DAB1: variants seen among roughly 807,000 people sequenced by gnomAD.
DAB1 encodes the protein DAB adaptor protein 1, also known as disabled homolog 1.
In DAB1, 15 loss-of-function variants were observed where a neutral mutation model predicts 64.6. The ratio of observed to expected loss-of-function variants is 0.23; its 90% CI spans 0.16 to 0.36. The LOEUF (loss-of-function observed/expected upper bound fraction) is 0.36. Ranked by LOEUF, DAB1 falls within the 10% of genes least tolerant of loss-of-function variation. DAB1 has a pLI of 1.00. For synonymous variants in DAB1, 235 were observed against 251.9 expected (o/e 0.93, Z 0.64); for missense variants, 596 against 706.7 (o/e 0.84, Z 1.78).
At chr1:57,827,505 C>A (rs1178909762) in intron 1 of DAB1, among the ~76,000 whole-genome samples, 4 of 152,174 alleles carry the variant, frequency 2.6e-5, no homozygotes, top group African/African-American at 9.7e-5. Context: ...ATAATGACAT[C>A]TACCTCATCA....
chr1:57,356,563 G>T (rs1490432629), intron 1 of DAB1, among the ~76,000 whole-genome samples: 1 of 151,932 alleles, frequency 6.6e-6, no homozygotes, highest in Non-Finnish European at 1.5e-5. Flanking sequence ...CATGGAATCT[G>T]GTCCAACAAT....
chr1:57,810,739 C>T (rs1651580705), intron 6 of DAB1, among the ~76,000 whole-genome samples: 1 of 152,192 alleles, frequency 6.6e-6, no homozygotes, highest in Non-Finnish European at 1.5e-5. Context: ...AAAAGTAGGA[C>T]TTCTCATACT....
chr1:57,096,745 T>A (rs1430082379), intron 4 of DAB1, among the ~76,000 whole-genome samples: 1 of 152,252 alleles, frequency 6.6e-6, no homozygotes, highest in African/African-American at 2.4e-5. Context: ...ATTTGTGTCC[T>A]TATTTATTGT....
intron 2 of DAB1, among the ~76,000 whole-genome samples, chr1:57,221,378 C>T (rs1159220120): frequency 2.0e-5 from 3 of 151,100 alleles, no homozygotes; most frequent in Admixed American, 6.6e-5. Context: ...CACATGTACC[C>T]TAGAACTTAA....
intron 4 of DAB1, among the ~76,000 whole-genome samples, chr1:58,218,989 T>TTCTCTCTCTCTCTCTCTC (rs1049058578): frequency 2.9e-4 from 36 of 125,904 alleles, no homozygotes; most frequent in African/African-American, 7.0e-4. Flanking sequence ...ATTCTGGCCA[T>TTCTCTCTCTCTCTCTCTC]TCTCTCTCTC....
intron 5 of DAB1, among the ~76,000 whole-genome samples, chr1:57,917,512 C>T (rs1289915349): frequency 2.6e-5 from 4 of 152,188 alleles, no homozygotes; most frequent in African/African-American, 4.8e-5. Flanking sequence ...CCTTTGAACT[C>T]GAACAGTATG....
At chr1:57,221,328 T>A (rs757673354) in intron 2 of DAB1, among the ~76,000 whole-genome samples, 32 of 151,952 alleles carry the variant, frequency 2.1e-4, no homozygotes, top group Non-Finnish European at 4.3e-4. Flanking sequence ...GCACACCAAC[T>A]TGGCACATGT....
chr1:57,548,948 T>A (rs887500144), intron 7 of DAB1, among the ~76,000 whole-genome samples: 13 of 152,340 alleles, frequency 8.5e-5, no homozygotes, highest in African/African-American at 2.9e-4. Flanking sequence ...CTGCATTTTA[T>A]TCTTGAGGAA....
At position 57,583,826 on chromosome 1, in the gene DAB1, C is replaced by G. The variant is rs184950777; in HGVS notation, n.625+65766G>C. Among the ~76,000 whole-genome samples the G allele has an allele frequency of 1.7e-3, 256 of 152,282 alleles. 1 individual carries two copies. Among genetic ancestry groups the G allele is most frequent in the African/African-American group, 5.7e-3 (237 of 41,550 alleles). On this transcript the variant is annotated intron_variant and non_coding_transcript_variant, in intron 7 of 20. Transcript: ENST00000485760. The stretch of plus-strand genomic sequence containing the variant: ...AATCATATCTCCATCTTCTCTGGTA[C>G]AAGAATCTCTTAGAGACCTTGGTTC...
intron 4 of DAB1, among the ~76,000 whole-genome samples, chr1:58,172,948 C>T (rs891576148): frequency 1.3e-5 from 2 of 152,338 alleles, no homozygotes; most frequent in African/African-American, 4.8e-5. Flanking sequence ...CCATTAAATA[C>T]CACAAGGAAA....
chr1:57,097,031 G>C (rs1364022132), intron 4 of DAB1, among the ~76,000 whole-genome samples: 2 of 152,090 alleles, frequency 1.3e-5, no homozygotes, highest in Non-Finnish European at 2.9e-5. Flanking sequence ...AGGGGTAATA[G>C]GGCTTTTTGT....
intron 5 of DAB1, among the ~76,000 whole-genome samples, chr1:58,054,202 A>T (rs1431143980): frequency 6.6e-6 from 1 of 152,244 alleles, no homozygotes; most frequent in Non-Finnish European, 1.5e-5. Flanking sequence ...AATAATTAGC[A>T]ATCAGTTTTA....
chr1:57,180,823 C>G (rs138747663), intron 2 of DAB1, among the ~76,000 whole-genome samples: 1 of 152,160 alleles, frequency 6.6e-6, no homozygotes, highest in Non-Finnish European at 1.5e-5. Flanking sequence ...CAAATGCCAA[C>G]TCCTCTTAAC....
chr1:58,116,386 T>C (rs1470905052), intron 5 of DAB1, among the ~76,000 whole-genome samples: 1 of 152,220 alleles, frequency 6.6e-6, no homozygotes, highest in African/African-American at 2.4e-5. Context: ...TGGGAGTTTA[T>C]GATTTGTTGC....
chr1:57,904,671 G>A (rs1263212921), intron 5 of DAB1, among the ~76,000 whole-genome samples: 1 of 152,188 alleles, frequency 6.6e-6, no homozygotes, highest in East Asian at 1.9e-4. Context: ...CAGCTGGAGT[G>A]AAGGCAGAGT....
chr1:58,215,013 AG>A (rs557033287), intron 4 of DAB1, among the ~76,000 whole-genome samples: 1 of 152,216 alleles, frequency 6.6e-6, no homozygotes, highest in South Asian at 2.1e-4. Flanking sequence ...AATGAATCAA[AG>A]GGCATTTGCA....
intron 7 of DAB1, among the ~76,000 whole-genome samples, chr1:57,638,464 A>G (rs1192587391): frequency 6.6e-6 from 1 of 152,188 alleles, no homozygotes; most frequent in Non-Finnish European, 1.5e-5. Flanking sequence ...GCTCTTCCCC[A>G]GATCCTACCA....
intron 5 of DAB1, among the ~76,000 whole-genome samples, chr1:57,975,786 T>C (rs567079988): frequency 1.3e-5 from 2 of 152,312 alleles, no homozygotes; most frequent in African/African-American, 4.8e-5. Flanking sequence ...CTGGTCTAGA[T>C]GAATTCACTT....
Position 58,195,814 on chromosome 1 carries a change from T to C in DAB1, n.310-45226A>G, listed in dbSNP as rs146795171. On this transcript the variant is annotated intron_variant and non_coding_transcript_variant, in intron 4 of 20. Transcript: ENST00000485760. ...ATGTGCCAAGCACTAAACCATATTATTTTATTCAAATTTTACAATAGCCCT... is the reference window on the plus strand; with the variant it reads ...ATGTGCCAAGCACTAAACCATATTACTTTATTCAAATTTTACAATAGCCCT... Among the ~76,000 whole-genome samples, 65 of 152,350 alleles carry C rather than the reference T, an allele frequency of 4.3e-4. 1 individual carries two copies. The highest frequency in any genetic ancestry group is 1.5e-3 in the African/African-American group (62 of 41,590).
Sources: gnomAD v4.1 joint callset for allele counts (sites outside exome capture counted in the v4.1 genomes callset) on GRCh38, gnomAD v4.1.1 for gene constraint, MANE v1.5 for transcripts, NCBI Gene and HGNC (gene_info 2026-07-23, HGNC 2026-07-21) for gene names.